The following SMYD3 variants were observed in gnomAD, a reference collection of about 807,000 sequenced individuals.
SMYD3 encodes SET and MYND domain containing 3.
In SMYD3, 36 loss-of-function variants were observed where a neutral mutation model predicts 57.7. That is an observed-to-expected ratio of 0.62 (90% CI 0.48 to 0.82). SMYD3 has a LOEUF of 0.82. Among genes scored for constraint, SMYD3 ranks in the 40% least tolerant of loss-of-function variants. The pLI is 0.00. For missense variants in SMYD3, 515 were observed against 538.8 expected (o/e 0.96, Z 0.44); for synonymous variants, 211 against 195.0 (o/e 1.08, Z -0.68).
chr1:245,891,717 C>A (rs1477289102), intron 8 of SMYD3, among the ~76,000 whole-genome samples: 1 of 140,040 alleles, frequency 7.1e-6, no homozygotes, highest in Non-Finnish European at 1.5e-5. Context: ...TTAGGAAGTG[C>A]AGGGGAGCAA....
intron 10 of SMYD3, among the ~76,000 whole-genome samples, chr1:245,801,833 A>G (rs1220391765): frequency 1.3e-5 from 2 of 152,136 alleles, no homozygotes; most frequent in African/African-American, 4.8e-5. Flanking sequence ...AAAACAAAAC[A>G]AAACAAAACT....
intron 1 of SMYD3, among the ~76,000 whole-genome samples, chr1:246,500,094 C>T (rs973708061): frequency 6.6e-6 from 1 of 152,152 alleles, no homozygotes; most frequent in Non-Finnish European, 1.5e-5. Context: ...GCTGCTGCTC[C>T]TTGGGAAACT....
Position 245,815,600 on chromosome 1 carries a change from C to A in SMYD3, c.1076+42896G>T, listed in dbSNP as rs189580692. Among the ~76,000 whole-genome samples, 31 of 152,362 alleles carry A rather than the reference C, an allele frequency of 2.0e-4. No homozygotes were observed. In the East Asian group the frequency reaches 3.7e-3, roughly 18 times the overall value. ...ACACAGATCCCAGTTATCAACATAGCCAGATGGCTGGTGGTAGAAGCAACC... is the reference window on the plus strand; with the variant it reads ...ACACAGATCCCAGTTATCAACATAGACAGATGGCTGGTGGTAGAAGCAACC... On this transcript the variant is annotated intron_variant, in intron 10 of 11. Transcript: ENST00000490107.
At chr1:246,457,911 T>G (rs1470418999) in intron 1 of SMYD3, among the ~76,000 whole-genome samples, 1 of 152,248 alleles carries the variant, frequency 6.6e-6, no homozygotes, top group African/African-American at 2.4e-5. Flanking sequence ...GAGGCCCTAC[T>G]ATGTGACAGT....
chr1:245,809,141 C>G (rs948117412), intron 10 of SMYD3, among the ~76,000 whole-genome samples: 3 of 152,176 alleles, frequency 2.0e-5, no homozygotes, highest in African/African-American at 7.2e-5. Flanking sequence ...GCCTCTGGTT[C>G]CTGCTGCTCA....
intron 1 of SMYD3, 55 bp downstream of exon 1, chr1:246,506,999 C>CCCCAGCACCCCA: frequency 1.0e-6 from 1 of 972,792 alleles, no homozygotes. Context: ...GCCCCCCCCT[C>CCCCAGCACCCCA]CCCAGCACCC....
chr1:245,780,758 T>C (rs531446152), intron 10 of SMYD3, among the ~76,000 whole-genome samples: 109 of 152,332 alleles, frequency 7.2e-4, no homozygotes, highest in Non-Finnish European at 1.3e-3. Context: ...ATCAATCTAC[T>C]TATGAGAAAT....
intron 5 of SMYD3, among the ~76,000 whole-genome samples, chr1:245,972,912 T>C (rs925971619): frequency 6.6e-6 from 1 of 152,230 alleles, no homozygotes; most frequent in Non-Finnish European, 1.5e-5. Context: ...TATCATTATG[T>C]CCCTTTGTTA....
intron 5 of SMYD3, among the ~76,000 whole-genome samples, chr1:246,054,770 C>T (rs963101478): frequency 3.4e-5 from 5 of 149,148 alleles, no homozygotes; most frequent in African/African-American, 1.2e-4. Context: ...TATAGATGGC[C>T]ATTTTTATGC....
At chr1:246,054,635 C>T (rs73133792) in intron 5 of SMYD3, among the ~76,000 whole-genome samples, 1,524 of 152,064 alleles carry the variant, frequency 0.01, 23 homozygotes, top group African/African-American at 0.034. Flanking sequence ...TGTAAGGGTA[C>T]ATACTGATTT....
intron 10 of SMYD3, among the ~76,000 whole-genome samples, chr1:245,853,986 T>C (rs1415979634): frequency 6.6e-6 from 1 of 152,208 alleles, no homozygotes; most frequent in African/African-American, 2.4e-5. Context: ...CTTTCTCTGA[T>C]CACAACTTAA....
intron 1 of SMYD3, among the ~76,000 whole-genome samples, chr1:246,487,885 G>C (rs1353791336): frequency 6.6e-6 from 1 of 152,084 alleles, no homozygotes; most frequent in Non-Finnish European, 1.5e-5. Flanking sequence ...GTAGAGACAG[G>C]GTTCCTCCAT....
At chr1:246,493,162 A>G (rs999707407) in intron 1 of SMYD3, among the ~76,000 whole-genome samples, 5 of 146,100 alleles carry the variant, frequency 3.4e-5, no homozygotes, top group African/African-American at 5.0e-5. Context: ...AGCTGTTACA[A>G]AAAAAGGAGG....
intron 5 of SMYD3, chr1:246,186,900 A>G (rs1321268456): frequency 2.0e-6 from 2 of 985,376 alleles, no homozygotes; most frequent in African/African-American, 3.5e-5. Context: ...AGCCCCTTAG[A>G]GTCATTATGC....
intron 8 of SMYD3, among the ~76,000 whole-genome samples, chr1:245,910,454 A>C (rs757130644): frequency 6.6e-5 from 10 of 152,130 alleles, no homozygotes; most frequent in Non-Finnish European, 1.0e-4. Flanking sequence ...CCGGAAATTC[A>C]TATGGAACAA....
chr1:245,928,960 T>C (rs2056557840), intron 6 of SMYD3, among the ~76,000 whole-genome samples: 1 of 152,212 alleles, frequency 6.6e-6, no homozygotes, highest in South Asian at 2.1e-4. Flanking sequence ...CAGGAATTGG[T>C]AATAATTAGA....
intron 10 of SMYD3, among the ~76,000 whole-genome samples, chr1:245,825,711 G>A (rs1269661735): frequency 6.6e-6 from 1 of 152,112 alleles, no homozygotes; most frequent in Non-Finnish European, 1.5e-5. Context: ...GCAAGAAACA[G>A]AACTTCACTG....
chr1:246,274,872 G>A (rs1452948097), intron 5 of SMYD3, among the ~76,000 whole-genome samples: 1 of 151,754 alleles, frequency 6.6e-6, no homozygotes, highest in Admixed American at 6.6e-5. Flanking sequence ...ACTCTACCGG[G>A]GTCAGTACCA....
intron 5 of SMYD3, among the ~76,000 whole-genome samples, chr1:245,950,626 G>A (rs1253990426): frequency 4.6e-5 from 7 of 152,194 alleles, no homozygotes; most frequent in South Asian, 4.1e-4. Flanking sequence ...ATTCCGAGTC[G>A]GTCGTCATAG....
Sources: gnomAD v4.1 joint callset for allele counts (sites outside exome capture counted in the v4.1 genomes callset) on GRCh38, gnomAD v4.1.1 for gene constraint, MANE v1.5 for transcripts, NCBI Gene and HGNC (gene_info 2026-07-23, HGNC 2026-07-21) for gene names.